Variants in CSMD1 observed in about 807,000 individuals in gnomAD.
CSMD1 encodes the protein CUB and sushi domain-containing protein 1.
Under a neutral mutation model 417.5 loss-of-function variants are expected in CSMD1, and 213 were observed. The ratio of observed to expected loss-of-function variants is 0.51; its 90% CI spans 0.46 to 0.57. The LOEUF (loss-of-function observed/expected upper bound fraction) is 0.57, where lower values mean the gene tolerates loss of function less well. Ranked by LOEUF, CSMD1 falls within the 20% of genes least tolerant of loss-of-function variation. CSMD1 has a pLI of 0.00. For synonymous variants in CSMD1, 2,862 were observed against 1,736.8 expected, an observed-to-expected ratio of 1.65 and a Z score of -16.11; for missense variants, 6,923 against 4,529.7, an observed-to-expected ratio of 1.53 and a Z score of -15.17.
chr8:4,620,184 C>T (rs1437644150), intron 2 of CSMD1, among the ~76,000 whole-genome samples: 1 of 151,358 alleles, frequency 6.6e-6, no homozygotes, highest in Non-Finnish European at 1.5e-5. Context: ...GTTTGGTGTT[C>T]AGAAAGTAGA....
At chr8:4,742,564 G>T (rs1016627595) in intron 1 of CSMD1, among the ~76,000 whole-genome samples, 2 of 151,930 alleles carry the variant, frequency 1.3e-5, no homozygotes, top group Non-Finnish European at 2.9e-5. Flanking sequence ...GCATGTAAGA[G>T]AAATGTTTTT....
chr8:3,038,280 A>G (rs1810827905), intron 50 of CSMD1, among the ~76,000 whole-genome samples: 2 of 152,214 alleles, frequency 1.3e-5, no homozygotes, highest in Admixed American at 6.5e-5. Flanking sequence ...CCTGAGTTCA[A>G]TATCAAAGCT....
chr8:3,132,787 G>A (rs12542227), intron 41 of CSMD1, among the ~76,000 whole-genome samples: 7,341 of 152,126 alleles, frequency 0.048, 477 homozygotes, highest in East Asian at 0.36. Context: ...CACTACTCTG[G>A]AGAAGCCCAA....
At chr8:4,331,480 T>G (rs1206027275) in intron 3 of CSMD1, among the ~76,000 whole-genome samples, 1 of 152,176 alleles carries the variant, frequency 6.6e-6, no homozygotes, top group East Asian at 1.9e-4. Context: ...CTTTTGGGTT[T>G]TGGGTTTTGT....
At chr8:4,257,594 G>A (rs889809316) in intron 3 of CSMD1, among the ~76,000 whole-genome samples, 2 of 152,082 alleles carry the variant, frequency 1.3e-5, no homozygotes, top group African/African-American at 2.4e-5. Context: ...TCTCCCTGCG[G>A]GATAGGAAAA....
intron 3 of CSMD1, among the ~76,000 whole-genome samples, chr8:4,238,069 A>G (rs1222856665): frequency 1.3e-5 from 2 of 152,122 alleles, no homozygotes; most frequent in Admixed American, 1.3e-4. Context: ...AGGAGGCCTC[A>G]AGAGATTGTA....
In CSMD1 at chr8:4,032,005, G is replaced by A. The variant is rs367565021; in HGVS notation, c.510C>T (p.Ser170=). The A allele has an allele frequency of 1.9e-6, 3 of 1,613,814 alleles. No homozygotes were observed. The highest frequency in any genetic ancestry group is 1.7e-6 in the Non-Finnish European group (2 of 1,179,842). The change falls in exon 4 of 70, where the codon AGC becomes AGT. Residue 170 remains serine (S), a synonymous_variant. Transcript: ENST00000635120. ...CTTCCAAGATGTAGCCAGGGAGGCA[G>A]CTGTACCGGATTTTGTCTCCTATGT... ...RFNIGDKIRY[S]CLPGYILEGH...
At chr8:3,937,688 A>G (rs1443441255) in intron 5 of CSMD1, among the ~76,000 whole-genome samples, 1 of 152,186 alleles carries the variant, frequency 6.6e-6, no homozygotes, top group Non-Finnish European at 1.5e-5. Context: ...CATATCAATA[A>G]CTACAGACAT....
chr8:4,887,335 T>G (rs1803817459), intron 1 of CSMD1, among the ~76,000 whole-genome samples: 1 of 152,108 alleles, frequency 6.6e-6, no homozygotes, highest in Non-Finnish European at 1.5e-5. Context: ...GAACATATTT[T>G]GTAGGATTTC....
chr8:4,281,694 C>T (rs567905500), intron 3 of CSMD1, among the ~76,000 whole-genome samples: 11 of 152,262 alleles, frequency 7.2e-5, no homozygotes, highest in African/African-American at 2.2e-4. Flanking sequence ...ATAACATATA[C>T]ATACAAGTCA....
intron 40 of CSMD1, among the ~76,000 whole-genome samples, chr8:3,146,532 T>C (rs1284029985): frequency 6.6e-6 from 1 of 152,220 alleles, no homozygotes; most frequent in African/African-American, 2.4e-5. Flanking sequence ...GAGTATCTTG[T>C]GCAATCATTG....
intron 5 of CSMD1, among the ~76,000 whole-genome samples, chr8:3,970,992 C>A (rs1201967847): frequency 6.6e-6 from 1 of 152,106 alleles, no homozygotes; most frequent in East Asian, 1.9e-4. Context: ...CTCAGGTGAT[C>A]CCCCCGCCTC....
intron 12 of CSMD1, among the ~76,000 whole-genome samples, chr8:3,458,531 AAT>A (rs1186395875): frequency 2.6e-5 from 4 of 152,182 alleles, no homozygotes; most frequent in Non-Finnish European, 5.9e-5. Flanking sequence ...ATATCTTTCT[AAT>A]ATATAGTTTG....
chr8:3,759,624 T>A (rs931896588), intron 5 of CSMD1, among the ~76,000 whole-genome samples: 1 of 151,716 alleles, frequency 6.6e-6, no homozygotes, highest in Non-Finnish European at 1.5e-5. Flanking sequence ...CCAGGCACAG[T>A]GGCTCACACC....
At chr8:4,199,327 C>G (rs1194401281) in intron 3 of CSMD1, among the ~76,000 whole-genome samples, 1 of 152,154 alleles carries the variant, frequency 6.6e-6, no homozygotes, top group African/African-American at 2.4e-5. Flanking sequence ...AGTTTGAGGT[C>G]TGTATCTGAA....
chr8:3,804,977 C>A (rs11986100), intron 5 of CSMD1, among the ~76,000 whole-genome samples: 1 of 151,920 alleles, frequency 6.6e-6, no homozygotes, highest in African/African-American at 2.4e-5. Flanking sequence ...AGCAATTGTT[C>A]GTTCCACTTT....
intron 1 of CSMD1, among the ~76,000 whole-genome samples, chr8:4,874,476 G>C (rs1240569748): frequency 6.9e-6 from 1 of 145,690 alleles, no homozygotes; most frequent in African/African-American, 2.6e-5. Context: ...TGCAATCTCT[G>C]CCTCCCAGGT....
At chr8:3,242,638 A>G (rs1799612610) in intron 26 of CSMD1, among the ~76,000 whole-genome samples, 1 of 152,000 alleles carries the variant, frequency 6.6e-6, no homozygotes, top group South Asian at 2.1e-4. Flanking sequence ...TGACAGTTGA[A>G]GAGGTTTTAG....
intron 3 of CSMD1, among the ~76,000 whole-genome samples, chr8:4,346,034 A>T (rs551795541): frequency 6.6e-6 from 1 of 152,270 alleles, no homozygotes; most frequent in African/African-American, 2.4e-5. Flanking sequence ...CATTCTTATT[A>T]TCATATCCAG....
Sources: gnomAD v4.1 joint callset for allele counts (sites outside exome capture counted in the v4.1 genomes callset) on GRCh38, gnomAD v4.1.1 for gene constraint, MANE v1.5 for transcripts, NCBI Gene and HGNC (gene_info 2026-07-23, HGNC 2026-07-21) for gene names.